The following FXR1 variants were observed in gnomAD, a reference collection of about 807,000 sequenced individuals.
FXR1 encodes FMR1 autosomal homolog 1.
FXR1 carries 15 observed loss-of-function variants against 84.0 expected under a neutral mutation model. The observed-to-expected ratio is 0.18, with a 90% CI of 0.12 to 0.27. FXR1 has a LOEUF of 0.27. Among genes scored for constraint, FXR1 ranks in the 10% least tolerant of loss-of-function variants. The pLI, the probability that FXR1 is intolerant of heterozygous loss-of-function variation, is 1.00. For synonymous variants in FXR1, 245 were observed against 250.7 expected (o/e 0.98, Z 0.21); for missense variants, 480 against 774.4 (o/e 0.62, Z 4.51).
intron 15 of FXR1, 36 bp downstream of exon 15, chr3:180,970,394 ATAT>A: frequency 3.7e-6 from 1 of 272,254 alleles, no homozygotes; most frequent in South Asian, 1.0e-4. Context: ...ATATATATAT[ATAT>A]ATATATATAT....
rs1304820893 is a variant in FXR1, at chr3:180,915,475, A to C, written c.51+2739A>C. The C allele has an allele frequency of 2.1e-6, 3 of 1,436,744 alleles. No homozygotes were observed. In the East Asian group the frequency reaches 7.4e-5, roughly 35 times the overall value. The allele number at this position is 1,436,744 out of a possible 1,614,324, so 89.0% of individuals were successfully genotyped here. A position where few individuals can be genotyped will look rare whatever the true frequency, so the allele number is the denominator to read the frequency against. Reference sequence around the variant, plus strand: ...CCGGCTTCCATTTAGCGTAGAAGCAATTTAATTTTAATTAGTTTTTTTCCA... The same window carrying C: ...CCGGCTTCCATTTAGCGTAGAAGCACTTTAATTTTAATTAGTTTTTTTCCA... On this transcript the variant is annotated intron_variant, in intron 1 of 16. Transcript: ENST00000357559.
At position 180,982,641 on chromosome 3, in the gene FXR1, T is replaced by C. The variant is rs1229552187; in HGVS notation, c.*6349T>C. Reference sequence around the variant, plus strand: ...TGCCTGTCGGCATATTATCACTATCTGTCTTTGAAAAATTTTCTTTTAAGT... The same window carrying C: ...TGCCTGTCGGCATATTATCACTATCCGTCTTTGAAAAATTTTCTTTTAAGT... On this transcript the variant is annotated 3_prime_UTR_variant, in exon 17 of 17. Transcript: ENST00000357559. 6.6e-6 allele frequency: 1 copy of C among 152,206 alleles called. No individual in the cohort carries two copies. Among genetic ancestry groups the C allele is most frequent in the African/African-American group, 2.4e-5 (1 of 41,464 alleles). 9.4% of individuals were successfully genotyped at this position (152,206 alleles called of 1,614,324 possible).
chr3:180,946,037 A>G (rs910379158), intron 3 of FXR1, among the ~76,000 whole-genome samples: 4 of 152,234 alleles, frequency 2.6e-5, no homozygotes, highest in African/African-American at 9.6e-5. Flanking sequence ...GTTGTCTGAT[A>G]TCTCTAATAA....
chr3:180,917,048 A>T (rs1005175200), intron 1 of FXR1, among the ~76,000 whole-genome samples: 4 of 151,628 alleles, frequency 2.6e-5, no homozygotes, highest in Non-Finnish European at 5.9e-5. Context: ...GTTGGCCAGG[A>T]TGTTCTCGAT....
At chr3:180,971,253 G>A in intron 15 of FXR1, 15 of 254,580 alleles carry the variant, frequency 5.9e-5, no homozygotes, top group Non-Finnish European at 1.0e-4. Context: ...GTACACATGT[G>A]TGCATATACA....
chr3:180,928,165 C>A (rs1719452598), intron 1 of FXR1, among the ~76,000 whole-genome samples: 3 of 148,242 alleles, frequency 2.0e-5, no homozygotes, highest in African/African-American at 7.5e-5. Flanking sequence ...TTTCTGTTTT[C>A]CCCAAGAATT....
At chr3:180,952,911 C>T (rs542740608) in intron 8 of FXR1, among the ~76,000 whole-genome samples, 2 of 150,264 alleles carry the variant, frequency 1.3e-5, no homozygotes, top group South Asian at 2.1e-4. Flanking sequence ...TAGCTCACTG[C>T]AGCCTCCAAC....
chr3:180,915,682 GAC>G (rs1717813199), intron 1 of FXR1: 2 of 701,522 alleles, frequency 2.9e-6, no homozygotes, highest in Non-Finnish European at 5.2e-6. Context: ...ATAGGCAGAA[GAC>G]ACACATTTGG....
Position 180,961,460 on chromosome 3 carries a change from T to A in FXR1, c.991-8T>A. ...AAACACTGAATACTTTTTTTTTTTT[T>A]TAAACAGGGTATGGTTCCATTTGTA... On this transcript the variant is annotated splice_region_variant and splice_polypyrimidine_tract_variant and intron_variant, in intron 10 of 16. Coordinates refer to ENST00000357559, the MANE Select transcript of FXR1 (RefSeq NM_005087.4). The A allele has an allele frequency of 1.4e-6, 2 of 1,468,624 alleles. No individual in the cohort carries two copies. Among genetic ancestry groups the A allele is most frequent in the East Asian group, 4.5e-5 (2 of 44,010 alleles). 91.0% of individuals were successfully genotyped at this position (1,468,624 alleles called of 1,614,324 possible).
At chr3:180,932,908 G>A (rs1015120763) in intron 1 of FXR1, 1 of 155,908 alleles carries the variant, frequency 6.4e-6, no homozygotes, top group African/African-American at 2.4e-5. Context: ...GGATGATACT[G>A]TAATTAATTT....
intron 1 of FXR1, among the ~76,000 whole-genome samples, chr3:180,920,065 C>T (rs1333311984): frequency 1.3e-5 from 2 of 152,156 alleles, no homozygotes; most frequent in South Asian, 4.1e-4. Flanking sequence ...GAACAGAGGT[C>T]TCCATTAGTA....
chr3:180,920,097 A>G (rs1718395410), intron 1 of FXR1, among the ~76,000 whole-genome samples: 1 of 152,136 alleles, frequency 6.6e-6, no homozygotes. Flanking sequence ...GAAGTTTATT[A>G]TTGTTGGCAA....
At position 180,963,523 on chromosome 3, in the gene FXR1, C is replaced by T. The variant is rs1805622; in HGVS notation, c.1198+433C>T. ...AGTGTGCGAATCACTGCCAAGATTGCATATAGCAAGTCTTTTTACTAGCTT... is the reference window on the plus strand; with the variant it reads ...AGTGTGCGAATCACTGCCAAGATTGTATATAGCAAGTCTTTTTACTAGCTT... On this transcript the variant is annotated intron_variant, in intron 13 of 16. Transcript: ENST00000357559. 4.9e-3 allele frequency among the ~76,000 whole-genome samples: 742 copies of T among 152,216 alleles called. 12 individuals carry two copies. Among genetic ancestry groups the T allele is most frequent in the African/African-American group, 0.017 (716 of 41,546 alleles).
Position 180,980,104 on chromosome 3 carries a change from C to CT in FXR1, c.*3815dup, listed in dbSNP as rs1714539797. 1 of 152,014 alleles carries CT rather than the reference C, an allele frequency of 6.6e-6. No homozygotes were observed. The highest frequency in any genetic ancestry group is 2.4e-5 in the African/African-American group (1 of 41,418). The allele number at this position is 152,014 out of a possible 1,614,324, so 9.4% of individuals were successfully genotyped here. On this transcript the variant is annotated 3_prime_UTR_variant, in exon 17 of 17. Coordinates refer to ENST00000357559, the MANE Select transcript of FXR1 (RefSeq NM_005087.4). ...CAGAGAGGGCTGGCCTAGTTGGTATCTTTAAGGCCCTTCCAGTAGTAATTT... is the reference window on the plus strand; with the variant it reads ...CAGAGAGGGCTGGCCTAGTTGGTATCTTTTAAGGCCCTTCCAGTAGTAATTT...
At chr3:180,955,672 G>T (rs1672582291) in intron 9 of FXR1, among the ~76,000 whole-genome samples, 1 of 152,148 alleles carries the variant, frequency 6.6e-6, no homozygotes, top group Non-Finnish European at 1.5e-5. Flanking sequence ...TTGTAAAAAT[G>T]ATTTGGCAGT....
rs146101728 is a variant in FXR1 at position 180,936,920 on chromosome 3, A to C, written c.198+1689A>C. On this transcript the variant is annotated intron_variant, in intron 3 of 16. Transcript: ENST00000357559. ...GTGTGTATTAGAGTTCTTGAGGAAA[A>C]TGTTACTGGTGGCATCTGGGGGAGA... Among the ~76,000 whole-genome samples, 17 of 152,282 alleles carry C rather than the reference A, an allele frequency of 1.1e-4. No homozygotes were observed. The East Asian group carries it at 3.3e-3, about 29-fold the overall frequency.
At chr3:180,949,200 T>G (rs1231340125) in intron 6 of FXR1, 27 bp from the exon 7 acceptor site, 1 of 1,117,550 alleles carries the variant, frequency 8.9e-7, no homozygotes, top group East Asian at 2.3e-5. Context: ...GATTAAAGTT[T>G]TGAGTAATTA....
chr3:180,918,248 A>T (rs1199645434), intron 1 of FXR1, among the ~76,000 whole-genome samples: 1 of 152,078 alleles, frequency 6.6e-6, no homozygotes, highest in Non-Finnish European at 1.5e-5. Context: ...AAGCTTCTAT[A>T]TGTATTTCCT....
At chr3:180,915,696 CGTAA>C in intron 1 of FXR1, 11 of 699,252 alleles carry the variant, frequency 1.6e-5, no homozygotes, top group Middle Eastern at 2.3e-4. Flanking sequence ...CACATTTGGC[CGTAA>C]GTGTGAATTG....
Sources: gnomAD v4.1 joint callset for allele counts (sites outside exome capture counted in the v4.1 genomes callset) on GRCh38, gnomAD v4.1.1 for gene constraint, MANE v1.5 for transcripts, NCBI Gene and HGNC (gene_info 2026-07-23, HGNC 2026-07-21) for gene names.